The following POLK variants were observed in gnomAD, a reference collection of about 807,000 sequenced individuals.
POLK encodes polymerase (DNA directed) kappa.
In POLK, 76 loss-of-function variants were observed where a neutral mutation model predicts 94.0. The ratio of observed to expected loss-of-function variants is 0.81; its 90% CI spans 0.67 to 0.98. The LOEUF (loss-of-function observed/expected upper bound fraction) is 0.98. POLK is among the 50% of genes least tolerant of loss of function. The pLI, the probability that POLK is intolerant of heterozygous loss-of-function variation, is 0.00. For missense variants in POLK, 954 were observed against 1,010.1 expected (o/e 0.94, Z 0.75); for synonymous variants, 349 against 325.4 (o/e 1.07, Z -0.78).
At position 75,584,756 on chromosome 5, in the gene POLK, C is replaced by T; in HGVS notation, c.1060-4C>T. The T allele has an allele frequency of 1.4e-6, 2 of 1,456,324 alleles. No individual in the cohort carries two copies. The highest frequency in any genetic ancestry group is 1.9e-6 in the Non-Finnish European group (2 of 1,070,024). 90.2% of individuals were successfully genotyped at this position (1,456,324 alleles called of 1,614,324 possible). On this transcript the variant is annotated splice_region_variant and splice_polypyrimidine_tract_variant and intron_variant, in intron 8 of 14. Transcript: ENST00000241436. ...ATTAATAATAAATATTGATTCTTTT[C>T]TAGGTTTCTGGAATAGGAAAAGTTA...
intron 1 of POLK, among the ~76,000 whole-genome samples, chr5:75,546,793 G>T (rs1247823268): frequency 1.3e-5 from 2 of 152,086 alleles, no homozygotes. Context: ...AGCCTCCCTA[G>T]TAGCTGGGAC....
intron 1 of POLK, among the ~76,000 whole-genome samples, chr5:75,543,202 C>A (rs112999710): frequency 0.078 from 11,838 of 151,396 alleles, 546 homozygotes; most frequent in South Asian, 0.17. Context: ...GCCACCACAC[C>A]CAGCTAATTT....
chr5:75,586,138 T>A (rs756917790), intron 9 of POLK, among the ~76,000 whole-genome samples: 22 of 152,176 alleles, frequency 1.4e-4, no homozygotes, highest in Non-Finnish European at 2.9e-4. Flanking sequence ...TAACATATAT[T>A]AACTTGTGGT....
intron 2 of POLK, among the ~76,000 whole-genome samples, chr5:75,551,730 G>T (rs1770345369): frequency 6.6e-6 from 1 of 152,166 alleles, no homozygotes; most frequent in South Asian, 2.1e-4. Flanking sequence ...ATGTTGGCAA[G>T]AACGTGGAGA....
intron 1 of POLK, among the ~76,000 whole-genome samples, chr5:75,539,551 A>G (rs1051477199): frequency 6.6e-6 from 1 of 152,136 alleles, no homozygotes; most frequent in East Asian, 1.9e-4. Flanking sequence ...ACTGGAATGC[A>G]GTGGCACTAT....
intron 3 of POLK, 107 bp from the exon 4 acceptor site, chr5:75,569,233 G>A: frequency 4.1e-6 from 3 of 729,108 alleles, no homozygotes; most frequent in Non-Finnish European, 6.7e-6. Flanking sequence ...GAATGGGTGT[G>A]TGGACAGAGA....
intron 6 of POLK, among the ~76,000 whole-genome samples, chr5:75,578,768 GTTTGTC>G (rs1772045749): frequency 6.6e-6 from 1 of 152,114 alleles, no homozygotes; most frequent in Non-Finnish European, 1.5e-5. Context: ...TCTAAAAGGT[GTTTGTC>G]TTTGGAAATA....
At chr5:75,556,937 C>T (rs1160718165) in intron 3 of POLK, among the ~76,000 whole-genome samples, 1 of 152,046 alleles carries the variant, frequency 6.6e-6, no homozygotes, top group Non-Finnish European at 1.5e-5. Context: ...GTGGCACAGG[C>T]CCATGGTCCT....
At chr5:75,599,054 A>G (rs1470733320) in exon 15 of POLK, 1 of 151,934 alleles carries the variant, frequency 6.6e-6, no homozygotes, top group Non-Finnish European at 1.5e-5. Context: ...CAGCCTCGCC[A>G]ACATGGTGAG....
At chr5:75,511,379 C>T, upstream of POLK, 1 of 1,546,782 alleles carries the variant, frequency 6.5e-7, no homozygotes, top group Non-Finnish European at 8.7e-7. Flanking sequence ...GCCGCCGCGC[C>T]TGACACCGAG....
chr5:75,531,358 A>T (rs1304004643), intron 1 of POLK, among the ~76,000 whole-genome samples: 2 of 151,134 alleles, frequency 1.3e-5, no homozygotes, highest in Non-Finnish European at 2.9e-5. Context: ...TATATAGTAT[A>T]TAGCTATATA....
exon 13 of POLK, chr5:75,596,917 C>T: frequency 2.5e-6 from 4 of 1,613,288 alleles, no homozygotes; most frequent in Non-Finnish European, 2.5e-6. Context: ...TGAACACTGT[C>T]ATCAGAATTC....
intron 1 of POLK, among the ~76,000 whole-genome samples, chr5:75,513,240 T>G (rs1768156756): frequency 6.6e-6 from 1 of 152,228 alleles, no homozygotes; most frequent in Non-Finnish European, 1.5e-5. Flanking sequence ...CCATTTATAT[T>G]GATGAGTTCT....
At chr5:75,548,098 T>C (rs1770145011) in intron 2 of POLK, among the ~76,000 whole-genome samples, 1 of 152,122 alleles carries the variant, frequency 6.6e-6, no homozygotes, top group Non-Finnish European at 1.5e-5. Context: ...AACTTTTTAT[T>C]TTTTGTAGAG....
chr5:75,584,702 T>A, intron 8 of POLK, 58 bp from the exon 9 acceptor site: 1 of 988,530 alleles, frequency 1.0e-6, no homozygotes, highest in Non-Finnish European at 1.5e-6. Flanking sequence ...GAGGTTGTAA[T>A]CTCAATTTTT....
chr5:75,588,263 AT>A (rs1772575696), intron 10 of POLK, among the ~76,000 whole-genome samples: 1 of 152,152 alleles, frequency 6.6e-6, no homozygotes, highest in Admixed American at 6.5e-5. Context: ...ATAACATCAA[AT>A]TTGGTATGAA....
intron 9 of POLK, among the ~76,000 whole-genome samples, chr5:75,585,498 G>A (rs1469420181): frequency 2.0e-5 from 3 of 152,054 alleles, no homozygotes; most frequent in Non-Finnish European, 2.9e-5. Flanking sequence ...GCAGAGTGAG[G>A]GTATAGAAAA....
At chr5:75,563,407 T>G (rs976251101) in intron 3 of POLK, among the ~76,000 whole-genome samples, 3 of 152,210 alleles carry the variant, frequency 2.0e-5, no homozygotes, top group African/African-American at 7.2e-5. Flanking sequence ...TCAGTTTTGC[T>G]CTGATCTCAG....
chr5:75,594,303 G>A (rs552596456), intron 12 of POLK, among the ~76,000 whole-genome samples: 14 of 152,220 alleles, frequency 9.2e-5, no homozygotes, highest in African/African-American at 3.4e-4. Flanking sequence ...GGGTTTATCT[G>A]GATACAATCC....
Sources: allele counts gnomAD v4.1 joint callset (sites outside exome capture counted in the v4.1 genomes callset), GRCh38; gene constraint gnomAD v4.1.1; transcripts MANE v1.5; gene names NCBI Gene and HGNC (gene_info 2026-07-23, HGNC 2026-07-21).